The following ATP1B1 variants were observed in gnomAD, a reference collection of about 807,000 sequenced individuals.
ATP1B1 encodes the protein sodium/potassium-transporting ATPase subunit beta-1.
Under a neutral mutation model 39.6 loss-of-function variants are expected in ATP1B1, and 3 were observed. The ratio of observed to expected loss-of-function variants is 0.08; its 90% confidence interval spans 0.03 to 0.20. ATP1B1 has a LOEUF of 0.20. Ranked by LOEUF, ATP1B1 falls within the 10% of genes least tolerant of loss-of-function variation. The pLI is 1.00. For synonymous variants in ATP1B1, 139 were observed against 135.0 expected, an observed-to-expected ratio of 1.03 and a Z score of -0.20; for missense variants, 216 against 371.1, an observed-to-expected ratio of 0.58 and a Z score of 3.43.
At chr1:169,118,751 G>A (rs939740722) in intron 2 of ATP1B1, among the ~76,000 whole-genome samples, 2 of 151,864 alleles carry the variant, frequency 1.3e-5, no homozygotes, top group South Asian at 2.1e-4. Flanking sequence ...TTTTCAACTC[G>A]GAATGTATAG....
At chr1:169,110,403 T>TA in intron 1 of ATP1B1, among the ~76,000 whole-genome samples, 1 of 152,152 alleles carries the variant, frequency 6.6e-6, no homozygotes, top group East Asian at 1.9e-4. Flanking sequence ...TCGATAACCT[T>TA]ACAGTTCACT....
At chr1:169,110,545 C>G (rs1209823334) in intron 1 of ATP1B1, 1 of 911,516 alleles carries the variant, frequency 1.1e-6, no homozygotes, top group East Asian at 6.4e-5. Flanking sequence ...TAGCCACCCT[C>G]ATTCCCATCT....
chr1:169,126,555 T>A (rs1303672594), intron 3 of ATP1B1, among the ~76,000 whole-genome samples: 1 of 151,320 alleles, frequency 6.6e-6, no homozygotes, highest in African/African-American at 2.4e-5. Context: ...TCTGCAAAAT[T>A]AAAAAAAACT....
chr1:169,132,629 T>TAACA lies in ATP1B1; in HGVS notation c.*1075_*1078dup, dbSNP rs1470617754. 6 of 629,014 alleles carry TAACA rather than the reference T, an allele frequency of 9.5e-6. No individual in the cohort carries two copies. Among genetic ancestry groups the TAACA allele is most frequent in the African/African-American group, 1.9e-5 (1 of 53,198 alleles). The allele number at this position is 629,014 out of a possible 1,614,324, so 39.0% of individuals were successfully genotyped here. A position where few individuals can be genotyped will look rare whatever the true frequency, so the allele number is the denominator to read the frequency against. ...TGTCTACAGTGCAAAATCCATGTTCTAACATATGTAATAATTGCCAGGAGT... is the reference window on the plus strand; with the variant it reads ...TGTCTACAGTGCAAAATCCATGTTCTAACAAACATATGTAATAATTGCCAGGAGT... On this transcript the variant is annotated 3_prime_UTR_variant, in exon 6 of 6. Coordinates refer to ENST00000367815, the MANE Select transcript of ATP1B1 (RefSeq NM_001677.4).
At chr1:169,125,544 C>A (rs1171107820) in intron 3 of ATP1B1, among the ~76,000 whole-genome samples, 1 of 152,170 alleles carries the variant, frequency 6.6e-6, no homozygotes, top group East Asian at 1.9e-4. Flanking sequence ...GGCAGCTGAT[C>A]GTTTTGGATA....
chr1:169,117,135 G>A (rs1657868121), intron 2 of ATP1B1, among the ~76,000 whole-genome samples: 1 of 152,188 alleles, frequency 6.6e-6, no homozygotes, highest in Non-Finnish European at 1.5e-5. Flanking sequence ...AGAATACACT[G>A]CTTTGTAATC....
chr1:169,121,651 A>C (rs1430160522), intron 2 of ATP1B1, among the ~76,000 whole-genome samples: 1 of 152,164 alleles, frequency 6.6e-6, no homozygotes, highest in East Asian at 1.9e-4. Context: ...GAGGCAAACC[A>C]CTGGAGAGGC....
intron 1 of ATP1B1, among the ~76,000 whole-genome samples, chr1:169,110,366 G>T (rs535492381): frequency 6.6e-6 from 1 of 152,158 alleles, no homozygotes; most frequent in South Asian, 2.1e-4. Context: ...GTAACCTAAG[G>T]CTCCTTTGTG....
At chr1:169,123,962 C>T (rs529804157) in intron 2 of ATP1B1, among the ~76,000 whole-genome samples, 200 of 152,220 alleles carry the variant, frequency 1.3e-3, no homozygotes, top group Middle Eastern at 3.4e-3. Flanking sequence ...TAAGTGTGTC[C>T]CACATAGCAT....
At chr1:169,110,733 T>A in intron 1 of ATP1B1, 1 of 1,238,000 alleles carries the variant, frequency 8.1e-7, no homozygotes, top group Non-Finnish European at 1.1e-6. Flanking sequence ...TAGAATTTTC[T>A]TTTTTTCCCC....
At chr1:169,111,219 A>T in intron 1 of ATP1B1, 151 bp from the exon 2 acceptor site, 2 of 1,011,514 alleles carry the variant, frequency 2.0e-6, no homozygotes, top group Non-Finnish European at 2.9e-6. Context: ...ACCCTGTGTC[A>T]GTGGGGTGAG....
chr1:169,111,230 G>GTGCA, intron 1 of ATP1B1, 140 bp from the exon 2 acceptor site: 1 of 1,150,874 alleles, frequency 8.7e-7, no homozygotes, highest in Non-Finnish European at 1.2e-6. Context: ...GTGGGGTGAG[G>GTGCA]TGCACTCTTG....
Position 169,115,438 on chromosome 1 carries a change from C to T in ATP1B1, c.226+3940C>T, listed in dbSNP as rs532169784. On this transcript the variant is annotated intron_variant, in intron 2 of 5. Transcript: ENST00000367815. ...ATCTTGGCTCACTGCAACCTCTGCCCCCTGGGTTCAAGCGATTCTCCTGCC... is the reference window on the plus strand; with the variant it reads ...ATCTTGGCTCACTGCAACCTCTGCCTCCTGGGTTCAAGCGATTCTCCTGCC... Among the ~76,000 whole-genome samples, 227 of 150,596 alleles carry T rather than the reference C, an allele frequency of 1.5e-3. 2 individuals carry two copies. The highest frequency in any genetic ancestry group is 4.8e-3 in the African/African-American group (197 of 40,944).
rs1311862799 is a variant in ATP1B1, at chr1:169,107,421, G to A, written c.97+495G>A. Among the ~76,000 whole-genome samples, 3 of 152,160 alleles carry A rather than the reference G, an allele frequency of 2.0e-5. No individual in the cohort carries two copies. In the East Asian group the frequency reaches 5.8e-4, roughly 29 times the overall value. ...TCAAAAGAGAGGAAAGAGAAGGGTG[G>A]AGAGGAATCCATCCACACTGTAGTA... is the stretch of plus-strand genomic sequence containing the variant. On this transcript the variant is annotated intron_variant, in intron 1 of 5. Coordinates refer to ENST00000367815, the MANE Select transcript of ATP1B1 (RefSeq NM_001677.4).
rs930585645 is a variant in ATP1B1, at chr1:169,107,007, G to C, written c.97+81G>C. On this transcript the variant is annotated intron_variant, in intron 1 of 5. Transcript: ENST00000367815. Reference sequence around the variant, plus strand: ...CATCCCCTGCGCAGGGTCCGCGGCCGGTTCCGCACCCACCGCGCTGGCCGG... The same window carrying C: ...CATCCCCTGCGCAGGGTCCGCGGCCCGTTCCGCACCCACCGCGCTGGCCGG... 5.2e-6 allele frequency: 7 copies of C among 1,343,294 alleles called. No homozygotes were observed. The East Asian group carries it at 1.5e-4, about 29-fold the overall frequency. The allele number at this position is 1,343,294 out of a possible 1,614,324, so 83.2% of individuals were successfully genotyped here. A position where few individuals can be genotyped will look rare whatever the true frequency, so the allele number is the denominator to read the frequency against.
At chr1:169,114,996 A>G (rs1406233343) in intron 2 of ATP1B1, among the ~76,000 whole-genome samples, 1 of 152,062 alleles carries the variant, frequency 6.6e-6, no homozygotes. Flanking sequence ...CATTCTGGCT[A>G]ACACAGTGAA....
chr1:169,112,699 C>T (rs1657752245), intron 2 of ATP1B1, among the ~76,000 whole-genome samples: 1 of 152,110 alleles, frequency 6.6e-6, no homozygotes, highest in African/African-American at 2.4e-5. Flanking sequence ...TCAAATAGTT[C>T]TCCACTGTAA....
intron 2 of ATP1B1, 35 bp from the exon 3 acceptor site, chr1:169,124,849 C>G (rs1335554105): frequency 1.3e-6 from 2 of 1,599,468 alleles, no homozygotes; most frequent in Admixed American, 1.7e-5. Context: ...TCGTTTCTGC[C>G]TTCCTACTAA....
intron 2 of ATP1B1, among the ~76,000 whole-genome samples, chr1:169,116,631 A>G (rs1397537916): frequency 6.6e-6 from 1 of 152,094 alleles, no homozygotes; most frequent in Non-Finnish European, 1.5e-5. Flanking sequence ...CAGGCAGATC[A>G]CCCGAGGTCA....
Sources: allele counts gnomAD v4.1 joint callset (sites outside exome capture counted in the v4.1 genomes callset), GRCh38; gene constraint gnomAD v4.1.1; transcripts MANE v1.5; gene names NCBI Gene and HGNC (gene_info 2026-07-23, HGNC 2026-07-21).